Variants in CFDP1 observed in about 807,000 individuals in gnomAD.
CFDP1 encodes chromatin remodeling protein CFDP1.
CFDP1 carries 31 observed loss-of-function variants against 40.1 expected under a neutral mutation model. That is an observed-to-expected ratio of 0.77 (90% confidence interval 0.58 to 1.04). The LOEUF (loss-of-function observed/expected upper bound fraction) is 1.04. CFDP1 is among the 50% of genes least tolerant of loss of function. The pLI is 0.00. For synonymous variants in CFDP1, 167 were observed against 120.0 expected, an observed-to-expected ratio of 1.39 and a Z score of -2.56; for missense variants, 423 against 343.4, an observed-to-expected ratio of 1.23 and a Z score of -1.83.
chr16:75,332,129 C>T lies in CFDP1; in HGVS notation c.651-26947G>A, dbSNP rs113224320. 1.0e-3 allele frequency among the ~76,000 whole-genome samples: 153 copies of T among 152,158 alleles called. 2 individuals are homozygous for T. Among genetic ancestry groups the T allele is most frequent in the Admixed American group, 5.2e-3 (80 of 15,284 alleles). On this transcript the variant is annotated intron_variant, in intron 5 of 6. Transcript: ENST00000283882. ...TGTGAAATGTCTGTCAATTTTTTTG[C>T]CATTTAGAAAACTGAGTTCAGACAG...
chr16:75,411,578 C>T (rs886866747), intron 4 of CFDP1, among the ~76,000 whole-genome samples: 1 of 152,184 alleles, frequency 6.6e-6, no homozygotes, highest in Non-Finnish European at 1.5e-5. Context: ...GAACAAAATA[C>T]TTAACTCATA....
chr16:75,420,527 G>C (rs532070690), intron 1 of CFDP1, among the ~76,000 whole-genome samples: 5 of 152,204 alleles, frequency 3.3e-5, no homozygotes, highest in African/African-American at 7.2e-5. Context: ...TTATAGAAAG[G>C]GGAGTGTGCT....
At chr16:75,336,329 T>C (rs569267420) in intron 5 of CFDP1, among the ~76,000 whole-genome samples, 10 of 152,242 alleles carry the variant, frequency 6.6e-5, no homozygotes, top group Admixed American at 4.6e-4. Flanking sequence ...GGCAGGGAAG[T>C]TGGGCTGCAG....
intron 5 of CFDP1, among the ~76,000 whole-genome samples, chr16:75,336,911 C>T (rs1046635976): frequency 2.6e-5 from 4 of 152,132 alleles, no homozygotes; most frequent in Admixed American, 6.5e-5. Context: ...TCCTTTCTTG[C>T]GAGCTGTTGG....
At chr16:75,307,926 T>A (rs1335620913) in intron 5 of CFDP1, among the ~76,000 whole-genome samples, 2 of 152,310 alleles carry the variant, frequency 1.3e-5, no homozygotes, top group Middle Eastern at 3.4e-3. Context: ...GTGTCCCTGG[T>A]GGTATTTCTA....
intron 6 of CFDP1, among the ~76,000 whole-genome samples, chr16:75,297,166 C>CTGTGTG (rs71158597): frequency 3.5e-5 from 5 of 143,362 alleles, no homozygotes; most frequent in Admixed American, 1.4e-4. Flanking sequence ...GTGTGTGTGT[C>CTGTGTG]TGTGTGTGTG....
chr16:75,305,291 T>A, intron 5 of CFDP1, 109 bp from the exon 6 acceptor site: 1 of 1,072,592 alleles, frequency 9.3e-7, no homozygotes, highest in Non-Finnish European at 1.3e-6. Flanking sequence ...TTTATCTTAG[T>A]GGAAGCCATG....
At position 75,294,037 on chromosome 16, in the gene CFDP1, A is replaced by G. The variant is rs1567636691; in HGVS notation, c.815T>C (p.Ile272Thr). ...AIHNRGKEGY[I>T]ERKAFLDRVD... ...TCGGTCAAGGAAGGCTTTCCGTTCAATGTACCTAGAAGATGAAAACAGTGT... is the reference window on the plus strand; with the variant it reads ...TCGGTCAAGGAAGGCTTTCCGTTCAGTGTACCTAGAAGATGAAAACAGTGT... Residue 272 changes from isoleucine (I) to threonine (T), a missense_variant, in exon 7 of 7, where the codon ATT (isoleucine) becomes ACT (threonine). By Grantham distance (89) the Ile-to-Thr change is moderately conservative. Coordinates refer to ENST00000283882, the MANE Select transcript of CFDP1 (RefSeq NM_006324.3). The G allele has an allele frequency of 3.1e-6, 5 of 1,612,316 alleles. No homozygotes were observed. Among genetic ancestry groups the G allele is most frequent in the Non-Finnish European group, 4.2e-6 (5 of 1,178,482 alleles).
chr16:75,337,895 T>C (rs970765005), intron 5 of CFDP1, among the ~76,000 whole-genome samples: 5 of 152,150 alleles, frequency 3.3e-5, no homozygotes, highest in Non-Finnish European at 7.4e-5. Flanking sequence ...TGGGAGGAGT[T>C]TGCTCGTTTT....
intron 5 of CFDP1, among the ~76,000 whole-genome samples, chr16:75,353,748 CAAAAAAAAAAAAA>C (rs3975152): frequency 3.5e-4 from 25 of 72,326 alleles, no homozygotes; most frequent in South Asian, 5.3e-4. Context: ...AAGTCCGTCT[CAAAAAAAAAAAAA>C]AAAAAAAAAA....
intron 5 of CFDP1, among the ~76,000 whole-genome samples, chr16:75,340,223 G>T (rs2078517458): frequency 6.6e-6 from 1 of 152,096 alleles, no homozygotes; most frequent in Non-Finnish European, 1.5e-5. Flanking sequence ...TGTAACAGAG[G>T]TATCGACAAC....
intron 5 of CFDP1, among the ~76,000 whole-genome samples, chr16:75,392,544 C>T (rs553033681): frequency 6.6e-6 from 1 of 152,038 alleles, no homozygotes; most frequent in Admixed American, 6.5e-5. Context: ...GTCGCCCAGG[C>T]GGGAGTGCAG....
chr16:75,307,326 C>T (rs2078265703), intron 5 of CFDP1, among the ~76,000 whole-genome samples: 1 of 152,100 alleles, frequency 6.6e-6, no homozygotes, highest in Admixed American at 6.6e-5. Context: ...AGCGATTCTC[C>T]TGTCTCAGCC....
chr16:75,353,048 C>T (rs1274158399), intron 5 of CFDP1, among the ~76,000 whole-genome samples: 3 of 152,132 alleles, frequency 2.0e-5, no homozygotes, highest in Admixed American at 2.0e-4. Flanking sequence ...AGTATGTGGG[C>T]AACATCCTCA....
At chr16:75,319,145 G>A (rs887533539) in intron 5 of CFDP1, among the ~76,000 whole-genome samples, 8 of 152,198 alleles carry the variant, frequency 5.3e-5, no homozygotes, top group African/African-American at 1.7e-4. Flanking sequence ...CCGGGTTCAA[G>A]TGATTCTCCA....
Position 75,350,207 on chromosome 16 carries a change from T to A in CFDP1, c.650+44883A>T, listed in dbSNP as rs116925883. 2.9e-3 allele frequency among the ~76,000 whole-genome samples: 439 copies of A among 152,334 alleles called. 1 individual carries two copies. Among genetic ancestry groups the A allele is most frequent in the Non-Finnish European group, 5.1e-3 (345 of 68,010 alleles). The stretch of plus-strand genomic sequence containing the variant: ...TGAATAATGCTGCTATGAACATATG[T>A]GTGCAAGTTTTTGTGTGGATATATG... On this transcript the variant is annotated intron_variant, in intron 5 of 6. Coordinates refer to ENST00000283882, the MANE Select transcript of CFDP1 (RefSeq NM_006324.3).
chr16:75,328,485 C>T (rs1597334294), intron 5 of CFDP1, among the ~76,000 whole-genome samples: 1 of 146,758 alleles, frequency 6.8e-6, no homozygotes, highest in African/African-American at 2.5e-5. Context: ...GTAATCCCAG[C>T]TACTTCGGGA....
At chr16:75,308,696 T>C (rs1424143469) in intron 5 of CFDP1, among the ~76,000 whole-genome samples, 1 of 152,192 alleles carries the variant, frequency 6.6e-6, no homozygotes, top group Non-Finnish European at 1.5e-5. Flanking sequence ...CCATCAGCTC[T>C]CAACAGCCCA....
intron 4 of CFDP1, among the ~76,000 whole-genome samples, chr16:75,402,625 T>C (rs934818427): frequency 6.6e-6 from 1 of 152,200 alleles, no homozygotes; most frequent in Non-Finnish European, 1.5e-5. Flanking sequence ...CCAGCTCTTC[T>C]CACATTTCTT....
Sources: gnomAD v4.1 joint callset for allele counts (sites outside exome capture counted in the v4.1 genomes callset) on GRCh38, gnomAD v4.1.1 for gene constraint, MANE v1.5 for transcripts, NCBI Gene and HGNC (gene_info 2026-07-23, HGNC 2026-07-21) for gene names.